The following MDGA2 variants were observed in gnomAD, a reference collection of about 807,000 sequenced individuals.
MDGA2 encodes the protein MAM domain containing glycosylphosphatidylinositol anchor 2, also known as MAM domain-containing glycosylphosphatidylinositol anchor protein 2.
A neutral mutation model predicts 117.8 loss-of-function variants in MDGA2; 40 were observed. That is an observed-to-expected ratio of 0.34 (90% CI 0.26 to 0.44). MDGA2 has a LOEUF of 0.44. MDGA2 is among the 20% of genes least tolerant of loss of function. The pLI is 1.00. For synonymous variants in MDGA2, 452 were observed against 439.0 expected (o/e 1.03, Z -0.37); for missense variants, 1,123 against 1,250.6 (o/e 0.90, Z 1.54).
intron 6 of MDGA2, among the ~76,000 whole-genome samples, chr14:47,084,277 C>A (rs942657309): frequency 1.3e-5 from 2 of 151,918 alleles, no homozygotes; most frequent in Admixed American, 6.6e-5. Flanking sequence ...GGAAACTGAA[C>A]AACACTCTTC....
chr14:47,563,428 G>A (rs969075956), intron 1 of MDGA2, among the ~76,000 whole-genome samples: 1 of 152,010 alleles, frequency 6.6e-6, no homozygotes, highest in African/African-American at 2.4e-5. Context: ...CCTGTGTTAG[G>A]TGCATATATA....
intron 1 of MDGA2, among the ~76,000 whole-genome samples, chr14:47,666,450 C>T (rs35946129): frequency 3.9e-5 from 6 of 152,170 alleles, no homozygotes; most frequent in African/African-American, 1.2e-4. Flanking sequence ...CCAATCAGCA[C>T]TCTGTATCTA....
chr14:46,908,309 T>C (rs1883575219), intron 10 of MDGA2, among the ~76,000 whole-genome samples: 1 of 152,192 alleles, frequency 6.6e-6, no homozygotes, highest in African/African-American at 2.4e-5. Flanking sequence ...GACCAAATTT[T>C]ATCTTCTGCC....
chr14:46,979,814 A>T lies in MDGA2; in HGVS notation c.1820-22171T>A, dbSNP rs190128231. 3.9e-3 allele frequency among the ~76,000 whole-genome samples: 588 copies of T among 152,346 alleles called. 8 individuals carry two copies. Among genetic ancestry groups the T allele is most frequent in the African/African-American group, 0.014 (575 of 41,590 alleles). ...CATCATGATAACTTAAAAGTGCAAG[A>T]TGAAGCAGCAAGTGCTGATGTAGAA... On this transcript the variant is annotated intron_variant, in intron 8 of 16. Coordinates refer to ENST00000399232, the MANE Select transcript of MDGA2 (RefSeq NM_001113498.3).
intron 1 of MDGA2, among the ~76,000 whole-genome samples, chr14:47,310,062 T>C (rs1449210608): frequency 6.6e-6 from 1 of 152,082 alleles, no homozygotes; most frequent in Non-Finnish European, 1.5e-5. Context: ...ACAACAAGTG[T>C]CCTATTTTTT....
intron 3 of MDGA2, among the ~76,000 whole-genome samples, chr14:47,194,780 C>T (rs1189267446): frequency 1.3e-5 from 2 of 151,938 alleles, no homozygotes; most frequent in Admixed American, 1.3e-4. Context: ...CTCTCTCACT[C>T]TCTCTTTCTC....
At chr14:47,153,689 A>G (rs1286924258) in intron 3 of MDGA2, among the ~76,000 whole-genome samples, 5 of 151,814 alleles carry the variant, frequency 3.3e-5, no homozygotes, top group African/African-American at 4.8e-5. Flanking sequence ...AGTACAGGCA[A>G]AAAAAGAAAA....
intron 1 of MDGA2, among the ~76,000 whole-genome samples, chr14:47,497,190 C>A (rs1019313106): frequency 6.6e-6 from 1 of 152,054 alleles, no homozygotes; most frequent in Non-Finnish European, 1.5e-5. Flanking sequence ...TATTTATGTT[C>A]ATAAATTTAG....
At chr14:47,592,328 A>G (rs2138861026) in intron 1 of MDGA2, among the ~76,000 whole-genome samples, 2 of 152,306 alleles carry the variant, frequency 1.3e-5, no homozygotes, top group South Asian at 4.1e-4. Context: ...AAAGCAATTT[A>G]TACATTCGAT....
At chr14:46,911,890 G>A (rs954732194) in intron 10 of MDGA2, among the ~76,000 whole-genome samples, 2 of 152,038 alleles carry the variant, frequency 1.3e-5, no homozygotes, top group Non-Finnish European at 2.9e-5. Flanking sequence ...CATGGGGTGG[G>A]GCAGGGCTTA....
chr14:46,966,388 C>T (rs563495184), intron 8 of MDGA2, among the ~76,000 whole-genome samples: 1 of 152,250 alleles, frequency 6.6e-6, no homozygotes, highest in African/African-American at 2.4e-5. Context: ...CTTCGAAAAT[C>T]TTGCCTTACT....
chr14:47,376,571 C>A (rs1477156863), intron 1 of MDGA2, among the ~76,000 whole-genome samples: 1 of 135,672 alleles, frequency 7.4e-6, no homozygotes, highest in African/African-American at 2.7e-5. Flanking sequence ...TTAGTTCTCA[C>A]CTCAGTAGGG....
At chr14:47,165,019 C>T (rs1481182708) in intron 3 of MDGA2, among the ~76,000 whole-genome samples, 7 of 151,982 alleles carry the variant, frequency 4.6e-5, no homozygotes, top group African/African-American at 7.2e-5. Context: ...CCAAACGCCA[C>T]ATGTTCTCAC....
chr14:46,903,952 T>C (rs563039131), intron 10 of MDGA2, among the ~76,000 whole-genome samples: 2 of 152,312 alleles, frequency 1.3e-5, no homozygotes, highest in Admixed American at 6.5e-5. Flanking sequence ...CATTATAAAA[T>C]TGTCATTTAT....
chr14:47,527,885 A>G (rs1304643041), intron 1 of MDGA2, among the ~76,000 whole-genome samples: 1 of 152,186 alleles, frequency 6.6e-6, no homozygotes, highest in East Asian at 1.9e-4. Context: ...GAGGAAAGAG[A>G]TAAAAGGAGT....
rs1594927121 is a variant in MDGA2 at position 47,578,635 on chromosome 14, A to G, written c.280+95882T>C. Reference sequence around the variant, plus strand: ...GTCTTTCTTCTCAAATAATGGAAAAACAGCAGAGTTAATATTTTTCTTTTT... The same window carrying G: ...GTCTTTCTTCTCAAATAATGGAAAAGCAGCAGAGTTAATATTTTTCTTTTT... On this transcript the variant is annotated intron_variant, in intron 1 of 16. Coordinates refer to ENST00000399232, the MANE Select transcript of MDGA2 (RefSeq NM_001113498.3). 3.9e-5 allele frequency among the ~76,000 whole-genome samples: 6 copies of G among 152,226 alleles called. No homozygotes were observed. The South Asian group carries it at 1.2e-3, about 32-fold the overall frequency.
chr14:47,122,188 T>C (rs1881686805), intron 5 of MDGA2, among the ~76,000 whole-genome samples: 2 of 152,062 alleles, frequency 1.3e-5, no homozygotes, highest in Admixed American at 1.3e-4. Flanking sequence ...CTCATAAACA[T>C]GATTTAGCAG....
intron 1 of MDGA2, among the ~76,000 whole-genome samples, chr14:47,639,796 C>A (rs1897389606): frequency 6.6e-6 from 1 of 152,166 alleles, no homozygotes; most frequent in African/African-American, 2.4e-5. Flanking sequence ...CTGTATAAGA[C>A]TCCACATGTG....
intron 8 of MDGA2, among the ~76,000 whole-genome samples, chr14:47,006,412 TTATAATTATATTATATG>T (rs1431113536): frequency 2.2e-5 from 3 of 139,168 alleles, no homozygotes; most frequent in Non-Finnish European, 3.0e-5. Flanking sequence ...AAAATTATAT[TTATAATTATATTATATG>T]TATATGTTTT....
Sources: gnomAD v4.1 joint callset for allele counts (sites outside exome capture counted in the v4.1 genomes callset) on GRCh38, gnomAD v4.1.1 for gene constraint, MANE v1.5 for transcripts, NCBI Gene and HGNC (gene_info 2026-07-23, HGNC 2026-07-21) for gene names.